Variants in JMJD1C observed in about 807,000 individuals in gnomAD.
JMJD1C encodes jumonji domain-containing protein 1C.
JMJD1C carries 31 observed loss-of-function variants against 245.3 expected under a neutral mutation model. The observed-to-expected ratio is 0.13, with a 90% confidence interval of 0.09 to 0.17. The LOEUF (loss-of-function observed/expected upper bound fraction) is 0.17. Among genes scored for constraint, JMJD1C ranks in the 10% least tolerant of loss-of-function variants. The probability of loss-of-function intolerance (pLI) is 1.00; values close to 1 mark genes in which losing one functional copy is unlikely to be tolerated. For missense variants in JMJD1C, 2,691 were observed against 3,000.2 expected, an observed-to-expected ratio of 0.90 and a Z score of 2.41; for synonymous variants, 1,057 against 1,017.4, an observed-to-expected ratio of 1.04 and a Z score of -0.74.
At chr10:63,353,838 C>T (rs1051624766) in intron 2 of JMJD1C, among the ~76,000 whole-genome samples, 1 of 150,864 alleles carries the variant, frequency 6.6e-6, no homozygotes, top group Non-Finnish European at 1.5e-5. Flanking sequence ...ATTACTGAGG[C>T]TTTTTTTGTC....
At chr10:63,449,847 G>A (rs1024803990) in intron 1 of JMJD1C, among the ~76,000 whole-genome samples, 3 of 152,216 alleles carry the variant, frequency 2.0e-5, no homozygotes, top group East Asian at 1.9e-4. Flanking sequence ...CAGGTGTGAC[G>A]GTTCTTGCCT....
intron 8 of JMJD1C, among the ~76,000 whole-genome samples, chr10:63,212,244 CAAT>C (rs1847452125): frequency 6.6e-6 from 1 of 152,080 alleles, no homozygotes; most frequent in South Asian, 2.1e-4. Context: ...TGCTGCACAA[CAAT>C]GTGAACACAC....
intron 10 of JMJD1C, chr10:63,204,935 C>CT: frequency 1.0e-6 from 1 of 985,408 alleles, no homozygotes. Flanking sequence ...TGTGAAAGTA[C>CT]TTTGAGTGTC....
chr10:63,502,551 T>C (rs368949438), intron 1 of JMJD1C, among the ~76,000 whole-genome samples: 80 of 147,074 alleles, frequency 5.4e-4, no homozygotes, highest in African/African-American at 2.0e-3. Context: ...GGCAGGAGCA[T>C]GGTGTGAACC....
At chr10:63,480,316 T>A (rs1005914311) in intron 1 of JMJD1C, among the ~76,000 whole-genome samples, 1 of 115,016 alleles carries the variant, frequency 8.7e-6, no homozygotes. Flanking sequence ...GCCTAAACTA[T>A]AGTTTGATTT....
chr10:63,519,387 G>C (rs919167118), intron 1 of JMJD1C, among the ~76,000 whole-genome samples: 1 of 152,150 alleles, frequency 6.6e-6, no homozygotes, highest in Non-Finnish European at 1.5e-5. Context: ...TCCAATGTAC[G>C]TGGCTGAAAT....
chr10:63,363,821 G>C (rs540652059), intron 2 of JMJD1C, among the ~76,000 whole-genome samples: 1 of 151,054 alleles, frequency 6.6e-6, no homozygotes, highest in East Asian at 2.0e-4. Flanking sequence ...CGGGTAGCTG[G>C]GACTATAGGT....
At chr10:63,480,551 T>C (rs1953799512) in intron 1 of JMJD1C, among the ~76,000 whole-genome samples, 1 of 151,836 alleles carries the variant, frequency 6.6e-6, no homozygotes. Context: ...CAATGAAAGC[T>C]GTGAGCACAA....
At chr10:63,279,020 C>A (rs1857122821) in intron 2 of JMJD1C, among the ~76,000 whole-genome samples, 1 of 152,040 alleles carries the variant, frequency 6.6e-6, no homozygotes, top group Non-Finnish European at 1.5e-5. Flanking sequence ...GAGGCCGAGG[C>A]AGCTGGATCA....
intron 1 of JMJD1C, among the ~76,000 whole-genome samples, chr10:63,490,562 C>A (rs753764644): frequency 2.0e-5 from 3 of 151,916 alleles, no homozygotes; most frequent in African/African-American, 7.3e-5. Context: ...ACTACAGATA[C>A]GCGCCACCAT....
At chr10:63,237,022 A>C (rs1246480959) in intron 3 of JMJD1C, among the ~76,000 whole-genome samples, 1 of 151,992 alleles carries the variant, frequency 6.6e-6, no homozygotes, top group Non-Finnish European at 1.5e-5. Context: ...CATACAGAAC[A>C]AACACTGTTT....
intron 1 of JMJD1C, among the ~76,000 whole-genome samples, chr10:63,397,441 G>A (rs1948578392): frequency 6.6e-6 from 1 of 152,090 alleles, no homozygotes. Flanking sequence ...TTGAACTCCT[G>A]ACCTCAGGTG....
At chr10:63,463,496 C>A (rs2133103854) in intron 1 of JMJD1C, among the ~76,000 whole-genome samples, 1 of 152,242 alleles carries the variant, frequency 6.6e-6, no homozygotes, top group Non-Finnish European at 1.5e-5. Context: ...ATCTACTCTG[C>A]AGTAATCAAA....
intron 13 of JMJD1C, among the ~76,000 whole-genome samples, chr10:63,195,881 A>C (rs954967836): frequency 6.6e-6 from 1 of 152,170 alleles, no homozygotes; most frequent in African/African-American, 2.4e-5. Flanking sequence ...GTGAGCCGAG[A>C]TTGCGCCACT....
chr10:63,438,475 C>A (rs1285921495), intron 1 of JMJD1C, among the ~76,000 whole-genome samples: 2 of 152,186 alleles, frequency 1.3e-5, no homozygotes, highest in Non-Finnish European at 2.9e-5. Context: ...CCCCAAGAGT[C>A]TACTATCAAC....
At chr10:63,456,069 G>A (rs888997979) in intron 1 of JMJD1C, among the ~76,000 whole-genome samples, 5 of 151,844 alleles carry the variant, frequency 3.3e-5, no homozygotes, top group Admixed American at 6.6e-5. Context: ...AAACCGTTAC[G>A]GAAAGGTGAA....
upstream of JMJD1C, among the ~76,000 whole-genome samples, chr10:63,470,275 G>T (rs1178361653): frequency 6.6e-6 from 1 of 152,076 alleles, no homozygotes; most frequent in Non-Finnish European, 1.5e-5. Flanking sequence ...TAGCATGAAT[G>T]AATGAATGAA....
chr10:63,508,097 A>T (rs1954776194), intron 1 of JMJD1C, among the ~76,000 whole-genome samples: 1 of 152,186 alleles, frequency 6.6e-6, no homozygotes, highest in Non-Finnish European at 1.5e-5. Flanking sequence ...CAGCTTATCA[A>T]GTCTTATCAA....
intron 1 of JMJD1C, among the ~76,000 whole-genome samples, chr10:63,506,271 G>GA (rs1349243219): frequency 6.6e-6 from 1 of 152,184 alleles, no homozygotes; most frequent in African/African-American, 2.4e-5. Context: ...TGGGATTTAG[G>GA]AAGAAAGCTT....
Sources: gnomAD v4.1 joint callset for allele counts (sites outside exome capture counted in the v4.1 genomes callset) on GRCh38, gnomAD v4.1.1 for gene constraint, MANE v1.5 for transcripts, NCBI Gene and HGNC (gene_info 2026-07-23, HGNC 2026-07-21) for gene names.